Variants in PACS1 observed in about 807,000 individuals in gnomAD.
PACS1 encodes PACS-1.
In PACS1, 24 loss-of-function variants were observed where a neutral mutation model predicts 115.0. That is an observed-to-expected ratio of 0.21 (90% confidence interval 0.15 to 0.29). The LOEUF (loss-of-function observed/expected upper bound fraction) is 0.29. Among genes scored for constraint, PACS1 ranks in the 10% least tolerant of loss-of-function variants. PACS1 has a pLI of 1.00. For missense variants in PACS1, 838 were observed against 1,251.2 expected (o/e 0.67, Z 4.98); for synonymous variants, 453 against 504.5 (o/e 0.90, Z 1.37).
intron 1 of PACS1, among the ~76,000 whole-genome samples, chr11:66,102,262 G>C: frequency 6.6e-6 from 1 of 152,024 alleles, no homozygotes. Context: ...GGACAGACAC[G>C]TGATTCTGAC....
chr11:66,102,612 A>G (rs1218703090), intron 1 of PACS1, among the ~76,000 whole-genome samples: 1 of 152,012 alleles, frequency 6.6e-6, no homozygotes, highest in Non-Finnish European at 1.5e-5. Context: ...GGCCTGAATC[A>G]CTGTGCCCAG....
At chr11:66,240,173 CG>C (rs1431457600) in intron 21 of PACS1, among the ~76,000 whole-genome samples, 1 of 152,236 alleles carries the variant, frequency 6.6e-6, no homozygotes, top group Non-Finnish European at 1.5e-5. Flanking sequence ...CTGGAGCCGG[CG>C]CGGGAGCAAG....
chr11:66,128,575 A>G (rs1365735490), intron 1 of PACS1, among the ~76,000 whole-genome samples: 2 of 151,978 alleles, frequency 1.3e-5, no homozygotes, highest in Non-Finnish European at 2.9e-5. Flanking sequence ...TTTAGAATTA[A>G]ATTTTAAAAT....
intron 10 of PACS1, 68 bp from the exon 11 acceptor site, chr11:66,227,436 A>G: frequency 1.2e-6 from 1 of 857,022 alleles, no homozygotes; most frequent in Non-Finnish European, 1.9e-6. Context: ...CTTCATAGGG[A>G]CCTAGTAAAA....
rs1348676242 is a variant in PACS1 at position 66,238,799 on chromosome 11, T to C, written c.2251-5T>C. ...ATCTAATGAGTGCCTCTTCTCTCCT[T>C]GCAGGTGGTGAAGGTGGGTCTGGTT... On this transcript the variant is annotated splice_region_variant and splice_polypyrimidine_tract_variant and intron_variant, in intron 19 of 23. Transcript: ENST00000320580. The C allele has an allele frequency of 8.8e-6, 14 of 1,586,040 alleles. No individual in the cohort carries two copies. The highest frequency in any genetic ancestry group is 1.2e-5 in the Non-Finnish European group (14 of 1,164,044).
intron 1 of PACS1, among the ~76,000 whole-genome samples, chr11:66,127,530 T>G (rs1048787549): frequency 1.3e-5 from 2 of 152,172 alleles, no homozygotes; most frequent in Non-Finnish European, 2.9e-5. Context: ...TAAGAAGGCT[T>G]CTTCTCTGTG....
At chr11:66,074,059 C>G (rs752791744) in intron 1 of PACS1, among the ~76,000 whole-genome samples, 10 of 151,678 alleles carry the variant, frequency 6.6e-5, no homozygotes, top group Non-Finnish European at 1.3e-4. Context: ...CTGTGCCCAG[C>G]CTTTTACCAG....
rs140790963 is a variant in PACS1, at chr11:66,150,766, A to G, written c.357-42720A>G. On this transcript the variant is annotated intron_variant, in intron 1 of 23. Transcript: ENST00000320580. ...GGTTGCATAAACCCTCCTACAGATAACAATTGAAAGATCTGGGTAAAATAT... is the reference window on the plus strand; with the variant it reads ...GGTTGCATAAACCCTCCTACAGATAGCAATTGAAAGATCTGGGTAAAATAT... Among the ~76,000 whole-genome samples the G allele has an allele frequency of 2.4e-4, 37 of 152,348 alleles. No individual in the cohort carries two copies. The East Asian group carries it at 7.1e-3, about 29-fold the overall frequency.
intron 1 of PACS1, among the ~76,000 whole-genome samples, chr11:66,074,675 T>C (rs1305192848): frequency 6.6e-6 from 1 of 152,144 alleles, no homozygotes; most frequent in Non-Finnish European, 1.5e-5. Flanking sequence ...ATCAGTCACT[T>C]TTCTCCTTAG....
At chr11:66,134,138 C>T (rs560131856) in intron 1 of PACS1, among the ~76,000 whole-genome samples, 1 of 152,008 alleles carries the variant, frequency 6.6e-6, no homozygotes, top group Non-Finnish European at 1.5e-5. Context: ...AATTCCCCAC[C>T]ATCCCCTTGT....
chr11:66,070,373 G>T lies in PACS1; in HGVS notation c.-114G>T. 9.2e-6 allele frequency: 5 copies of T among 544,830 alleles called. No homozygotes were observed. The allele number at this position is 544,830 out of a possible 1,614,324, so 33.7% of individuals were successfully genotyped here. A position where few individuals can be genotyped will look rare whatever the true frequency, so the allele number is the denominator to read the frequency against. ...TGCGTGCAGCTCGCTGGCTGCTCGC[G>T]CTCGGGCAGGCGGGCTGAGGAGGCT... On this transcript the variant is annotated 5_prime_UTR_variant, in exon 1 of 24. Transcript: ENST00000320580. The surrounding 1 kb of genome is among the most constrained non-coding windows in gnomAD (Gnocchi z 5.9).
intron 1 of PACS1, among the ~76,000 whole-genome samples, chr11:66,087,453 G>A (rs1205475385): frequency 6.6e-6 from 1 of 152,144 alleles, no homozygotes; most frequent in Non-Finnish European, 1.5e-5. Flanking sequence ...ATGTTGGCCA[G>A]GCTGGTCTTG....
At chr11:66,162,518 A>C (rs554134125) in intron 1 of PACS1, among the ~76,000 whole-genome samples, 2 of 152,344 alleles carry the variant, frequency 1.3e-5, no homozygotes, top group Non-Finnish European at 2.9e-5. Flanking sequence ...TGACAGGGCC[A>C]AGAATGCCCA....
intron 2 of PACS1, 136 bp downstream of exon 2, chr11:66,193,709 A>T: frequency 1.7e-6 from 1 of 594,706 alleles, no homozygotes. Context: ...CAGTGGAAAG[A>T]TAACAGAGCT....
intron 2 of PACS1, among the ~76,000 whole-genome samples, chr11:66,205,613 A>C (rs1854916536): frequency 6.6e-6 from 1 of 151,678 alleles, no homozygotes; most frequent in Non-Finnish European, 1.5e-5. Context: ...TCAGACATCC[A>C]AGAAACCCCA....
chr11:66,097,040 T>C (rs1425185298), intron 1 of PACS1, among the ~76,000 whole-genome samples: 1 of 152,086 alleles, frequency 6.6e-6, no homozygotes, highest in East Asian at 1.9e-4. Context: ...TGGAGTGGAA[T>C]GGTGTGTCTT....
At chr11:66,105,334 A>G (rs1442080516) in intron 1 of PACS1, among the ~76,000 whole-genome samples, 1 of 152,302 alleles carries the variant, frequency 6.6e-6, no homozygotes, top group East Asian at 1.9e-4. Context: ...GAGGAGGGAA[A>G]ATCGCTTGAA....
chr11:66,077,510 A>G (rs1204623589), intron 1 of PACS1, among the ~76,000 whole-genome samples: 2 of 152,154 alleles, frequency 1.3e-5, no homozygotes, highest in Non-Finnish European at 2.9e-5. Flanking sequence ...TCAGTGAGCC[A>G]TGATCTCGCC....
chr11:66,076,405 CTT>C (rs963192468), intron 1 of PACS1, among the ~76,000 whole-genome samples: 6 of 145,282 alleles, frequency 4.1e-5, no homozygotes, highest in Non-Finnish European at 1.5e-5. Context: ...TGGACTTGGA[CTT>C]TTTTTTTTTT....
Sources: gnomAD v4.1 joint callset for allele counts (sites outside exome capture counted in the v4.1 genomes callset) on GRCh38, gnomAD v4.1.1 for gene constraint, Gnocchi (gnomAD v3.1) non-coding constraint, MANE v1.5 for transcripts, NCBI Gene and HGNC (gene_info 2026-07-23, HGNC 2026-07-21) for gene names.